Variants in RBFOX1 observed in about 807,000 individuals in gnomAD.
The protein encoded by RBFOX1 is RNA binding protein fox-1 homolog 1.
Under a neutral mutation model 57.7 loss-of-function variants are expected in RBFOX1, and 8 were observed. The ratio of observed to expected loss-of-function variants is 0.14; its 90% CI spans 0.08 to 0.25. RBFOX1 has a LOEUF of 0.25. Ranked by LOEUF, RBFOX1 falls within the 10% of genes least tolerant of loss-of-function variation. RBFOX1 has a pLI of 1.00. For synonymous variants in RBFOX1, 326 were observed against 222.4 expected (o/e 1.47, Z -4.15); for missense variants, 611 against 548.5 (o/e 1.11, Z -1.14).
At chr16:7,056,461 G>C (rs1487830675) in intron 4 of RBFOX1, among the ~76,000 whole-genome samples, 1 of 152,126 alleles carries the variant, frequency 6.6e-6, no homozygotes, top group Non-Finnish European at 1.5e-5. Flanking sequence ...GTATTTACCA[G>C]CTTGTTCTAG....
At chr16:5,274,071 C>T (rs1919058) in intron 1 of RBFOX1, among the ~76,000 whole-genome samples, 51,690 of 152,016 alleles carry the variant, frequency 0.34, 8,936 homozygotes, top group African/African-American at 0.4. Context: ...TGCAGGTTTT[C>T]GCTCTTAAAC....
At chr16:5,484,510 G>A (rs932090668) in intron 2 of RBFOX1, among the ~76,000 whole-genome samples, 32 of 152,216 alleles carry the variant, frequency 2.1e-4, no homozygotes, top group Non-Finnish European at 3.8e-4. Context: ...TGGGCACAGT[G>A]GCCCATGCCT....
chr16:6,185,949 C>G (rs117023268), intron 1 of RBFOX1, among the ~76,000 whole-genome samples: 2 of 152,168 alleles, frequency 1.3e-5, no homozygotes, highest in Admixed American at 1.3e-4. Flanking sequence ...GGCAGACCCA[C>G]ATCTTCTTTC....
In RBFOX1 at chr16:7,050,457, G is replaced by T. The variant is rs149099266; in HGVS notation, c.-15-1600G>T. ...ATTTTTGTATTTTTAGTAGAGAAGA[G>T]GTTTCACCATATTGGCCAGGTTTGT... On this transcript the variant is annotated intron_variant, in intron 3 of 15. Coordinates refer to ENST00000550418, the MANE Select transcript of RBFOX1 (RefSeq NM_018723.4). Among the ~76,000 whole-genome samples, 9 of 151,918 alleles carry T rather than the reference G, an allele frequency of 5.9e-5. No individual in the cohort carries two copies. In the East Asian group the frequency reaches 1.7e-3, roughly 29 times the overall value.
At chr16:5,740,880 G>A (rs1280394697) in intron 3 of RBFOX1, among the ~76,000 whole-genome samples, 1 of 152,148 alleles carries the variant, frequency 6.6e-6, no homozygotes, top group Non-Finnish European at 1.5e-5. Flanking sequence ...AGATGACCAT[G>A]GTGGCAGGGA....
At chr16:6,851,748 G>A (rs778840715) in intron 3 of RBFOX1, among the ~76,000 whole-genome samples, 8 of 152,036 alleles carry the variant, frequency 5.3e-5, no homozygotes, top group Admixed American at 2.0e-4. Context: ...GATAAAGACT[G>A]GAACTCACAG....
intron 2 of RBFOX1, among the ~76,000 whole-genome samples, chr16:5,483,311 C>G (rs543401393): frequency 6.6e-6 from 1 of 152,330 alleles, no homozygotes; most frequent in East Asian, 1.9e-4. Flanking sequence ...GCTCTTGGCA[C>G]ACATCATTAG....
At chr16:7,432,902 C>G (rs570937528) in intron 4 of RBFOX1, among the ~76,000 whole-genome samples, 1 of 152,336 alleles carries the variant, frequency 6.6e-6, no homozygotes, top group African/African-American at 2.4e-5. Context: ...AATCAACAGC[C>G]TTATGGTGTT....
chr16:7,280,608 C>T (rs888162548), intron 4 of RBFOX1, among the ~76,000 whole-genome samples: 1 of 152,140 alleles, frequency 6.6e-6, no homozygotes, highest in African/African-American at 2.4e-5. Flanking sequence ...CCGCTACCTT[C>T]GGAGAGCTCC....
intron 4 of RBFOX1, among the ~76,000 whole-genome samples, chr16:7,132,067 C>G (rs946223761): frequency 1.4e-5 from 2 of 146,768 alleles, no homozygotes; most frequent in Admixed American, 1.4e-4. Context: ...TATCAGGTCA[C>G]TGCAACCTCT....
At chr16:7,469,407 G>T (rs1039379305) in intron 4 of RBFOX1, among the ~76,000 whole-genome samples, 3 of 152,090 alleles carry the variant, frequency 2.0e-5, no homozygotes, top group South Asian at 2.1e-4. Context: ...GGCTATGTTT[G>T]TCTCATCTTC....
intron 4 of RBFOX1, among the ~76,000 whole-genome samples, chr16:7,351,246 C>A (rs568775449): frequency 2.0e-5 from 3 of 152,350 alleles, no homozygotes; most frequent in African/African-American, 7.2e-5. Context: ...TTTTACCTCT[C>A]TGAGCCTCAG....
intron 4 of RBFOX1, among the ~76,000 whole-genome samples, chr16:7,094,976 T>C (rs1037811193): frequency 6.6e-6 from 1 of 152,166 alleles, no homozygotes; most frequent in Admixed American, 6.6e-5. Flanking sequence ...AGTGTAAACA[T>C]CAAAGGTAAA....
chr16:6,806,837 T>TATATATATATATATATATATATATATA (rs1491107829), intron 3 of RBFOX1, among the ~76,000 whole-genome samples: 2 of 68,908 alleles, frequency 2.9e-5, no homozygotes, highest in Non-Finnish European at 5.8e-5. Flanking sequence ...TATATATATA[T>TATATATATATATATATATATATATATA]TTTTTTTTTT....
intron 4 of RBFOX1, among the ~76,000 whole-genome samples, chr16:7,345,692 A>G (rs1269243695): frequency 6.6e-6 from 1 of 152,146 alleles, no homozygotes; most frequent in African/African-American, 2.4e-5. Context: ...CCGTCTGGGG[A>G]TGGATAAAAA....
intron 3 of RBFOX1, among the ~76,000 whole-genome samples, chr16:5,634,483 C>G (rs1167606330): frequency 6.6e-6 from 1 of 152,054 alleles, no homozygotes; most frequent in Non-Finnish European, 1.5e-5. Flanking sequence ...AATTAAAGAA[C>G]TTGTACAAAA....
rs140203838 is a variant in RBFOX1 at position 5,273,365 on chromosome 16, G to A, written c.219+33260G>A. Among the ~76,000 whole-genome samples, 96 of 152,214 alleles carry A rather than the reference G, an allele frequency of 6.3e-4. 1 individual carries two copies. The East Asian group carries it at 0.015, about 24-fold the overall frequency. ...GTCTTTAGTGCCTGCTATGTGCCAG[G>A]CATTGGAGATAATATAATGATGAAC... On this transcript the variant is annotated intron_variant, in intron 1 of 2. Transcript: ENST00000585867.
Position 6,284,593 on chromosome 16 carries a change from C to T in RBFOX1, c.-126-32402C>T, listed in dbSNP as rs111703505. Among the ~76,000 whole-genome samples, 413 of 152,182 alleles carry T rather than the reference C, an allele frequency of 2.7e-3. 4 individuals are homozygous for T. Among genetic ancestry groups the T allele is most frequent in the African/African-American group, 9.1e-3 (378 of 41,496 alleles). On this transcript the variant is annotated intron_variant, in intron 1 of 15. Transcript: ENST00000550418. ...CAACAATATTTTATAGCTTTAAATA[C>T]GGTGTTGATGTTTTCTGGAGTCAGG...
intron 3 of RBFOX1, among the ~76,000 whole-genome samples, chr16:6,900,167 T>G (rs1192305243): frequency 6.6e-6 from 1 of 152,234 alleles, no homozygotes; most frequent in African/African-American, 2.4e-5. Flanking sequence ...GTATTGTTCA[T>G]GTTCTTATGC....
Sources: allele counts gnomAD v4.1 joint callset (sites outside exome capture counted in the v4.1 genomes callset), GRCh38; gene constraint gnomAD v4.1.1; transcripts MANE v1.5; gene names NCBI Gene and HGNC (gene_info 2026-07-23, HGNC 2026-07-21).